The following TTN variants were observed in gnomAD, a reference collection of about 807,000 sequenced individuals.
TTN encodes the protein titin, also known as connectin.
TTN carries 1,525 observed loss-of-function variants against 3,223.0 expected under a neutral mutation model. The ratio of observed to expected loss-of-function variants is 0.47; its 90% CI spans 0.45 to 0.49. TTN has a LOEUF of 0.49. Ranked by LOEUF, TTN falls within the 20% of genes least tolerant of loss-of-function variation. TTN has a pLI of 0.00. For synonymous variants in TTN, 14,094 were observed against 15,161.0 expected, an observed-to-expected ratio of 0.93 and a Z score of 5.17; for missense variants, 40,786 against 43,424.0, an observed-to-expected ratio of 0.94 and a Z score of 5.40.
rs1553613338 is a variant in TTN at position 178,575,492 on chromosome 2, C to G, written c.70640G>C (p.Ser23547Thr). 6.2e-7 allele frequency: 1 copy of G among 1,613,650 alleles called. No individual in the cohort carries two copies. Among genetic ancestry groups the G allele is most frequent in the Middle Eastern group, 1.7e-4 (1 of 6,056 alleles). ...DSLNIMDITK[S>T]TVSLAWPKPK... ...CTTAGGCCATGCCAGGCTGACGGTG[C>G]TCTTAGTTATGTCCATGATGTTAAG... The change falls in exon 326 of 363, where the codon AGC (serine) becomes ACC (threonine). Residue 23547 changes from serine (S) to threonine (T), a missense_variant. By Grantham distance (58) the Ser-to-Thr change is moderately conservative (BLOSUM62 1). Coordinates refer to ENST00000589042, the MANE Select transcript of TTN (RefSeq NM_001267550.2). This position sits in a 1 kb window ranked among gnomAD's most constrained non-coding sequence, Gnocchi z 4.0.
intron 349 of TTN, chr2:178,542,046 A>T (rs1274741232): frequency 2.2e-6 from 1 of 445,256 alleles, no homozygotes; most frequent in Admixed American, 3.8e-5. Context: ...ATAAGAGTGA[A>T]GATATTAAAA....
rs879237670 is a variant in TTN, at chr2:178,724,261, T to A, written c.21114A>T (p.Ser7038=). The change falls in exon 72 of 363, where the codon TCA becomes TCT. Residue 7038 remains serine (S), a splice_region_variant and synonymous_variant. Transcript: ENST00000589042. ...KSSCTAVVDV[S]DRAVPPSFTR... ...CCAGAAGAAAACAGCAGAACTAACC[T>A]GAAACATCAACCACAGCTGTGCAGC... The A allele has an allele frequency of 6.2e-7, 1 of 1,611,434 alleles. No homozygotes were observed. Among genetic ancestry groups the A allele is most frequent in the African/African-American group, 1.3e-5 (1 of 74,918 alleles).
At position 178,609,209 on chromosome 2, in the gene TTN, T is replaced by C; in HGVS notation, c.52101A>G (p.Leu17367=). The C allele has an allele frequency of 6.6e-7, 1 of 1,507,262 alleles. No homozygotes were observed. The highest frequency in any genetic ancestry group is 8.8e-7 in the Non-Finnish European group (1 of 1,133,702). 93.4% of individuals were successfully genotyped at this position (1,507,262 alleles called of 1,614,324 possible). A position where few individuals can be genotyped will look rare whatever the true frequency, so the allele number is the denominator to read the frequency against. The change falls in exon 273 of 363, where the codon TTA becomes TTG. Residue 17367 remains leucine, a splice_region_variant and synonymous_variant. Transcript: ENST00000589042. ...IAKAPCTVSV[L]DTPGPPINFV... is the part of the protein sequence containing the mutation. Reference sequence around the variant, plus strand: ...GAAAGTGTAGTTTTAATGACTCACCTAACACACTGACAGTACAAGGAGCTT... The same window carrying C: ...GAAAGTGTAGTTTTAATGACTCACCCAACACACTGACAGTACAAGGAGCTT...
chr2:178,694,980 C>A, intron 115 of TTN, 74 bp from the exon 116 acceptor site: 2 of 1,094,488 alleles, frequency 1.8e-6, no homozygotes, highest in Admixed American at 2.2e-5. Context: ...ATCTCTCTCT[C>A]TCTGTGTATA....
chr2:178,588,762 T>G lies in TTN; in HGVS notation c.62963A>C (p.Glu20988Ala), dbSNP rs2049605788. 6.8e-6 allele frequency: 11 copies of G among 1,613,220 alleles called. No individual in the cohort carries two copies. In the East Asian group the frequency reaches 2.5e-4, roughly 36 times the overall value. The change falls in exon 304 of 363, where the codon GAA becomes GCA. Residue 20988 changes from glutamate to alanine, a missense_variant. Transcript: ENST00000589042. ...EEMTVVWNPP[E>A]YDGGKSITGY... ...AGTTATAGACTTTCCACCATCATAT[T>G]CAGGTGGATTCCAAACCACAGTCAT... is the stretch of plus-strand genomic sequence containing the variant.
At chr2:178,648,675 G>T (rs2062421903) in intron 213 of TTN, among the ~76,000 whole-genome samples, 1 of 152,128 alleles carries the variant, frequency 6.6e-6, no homozygotes, top group East Asian at 1.9e-4. Context: ...CTCCCCAAGT[G>T]TTGGGATGAC....
At position 178,649,274 on chromosome 2, in the gene TTN, T is replaced by C; in HGVS notation, c.40031A>G (p.Lys13344Arg). 3.3e-6 allele frequency: 5 copies of C among 1,501,158 alleles called. No homozygotes were observed. The highest frequency in any genetic ancestry group is 4.4e-6 in the Non-Finnish European group (5 of 1,130,556). The allele number at this position is 1,501,158 out of a possible 1,614,324, so 93.0% of individuals were successfully genotyped here. ...TTTTTCTGGAAGAACTTCTGGTTTT[T>C]TGGTAACAGGCACAGGTTCTTTCTT... ...PVKKEPVPVT[K>R]KPEVLPEKVP... The change falls in exon 213 of 363, where the codon AAA becomes AGA. Residue 13344 changes from lysine to arginine, a missense_variant. Coordinates refer to ENST00000589042, the MANE Select transcript of TTN (RefSeq NM_001267550.2).
chr2:178,568,520 G>A lies in TTN; in HGVS notation c.77612C>T (p.Thr25871Ile). ...HKDDGGQYGI[T>I]VANVVGQKTA... ...CTTCTGACCAACAACATTGGCAACT[G>A]TGATTCCATATTGTCCACCATCATC... The change falls in exon 326 of 363, where the codon ACA becomes ATA. Residue 25871 changes from threonine to isoleucine, a missense_variant. By Grantham distance (89) the Thr-to-Ile change is moderately conservative. Transcript: ENST00000589042. 6.2e-7 allele frequency: 1 copy of A among 1,613,400 alleles called. No individual in the cohort carries two copies.
rs2472751 is a variant in TTN, at chr2:178,675,176, C to A, written c.34538-63G>T. 295,679 of 1,101,444 alleles carry A rather than the reference C, an allele frequency of 0.27. 47,977 individuals carry two copies. Among genetic ancestry groups the A allele is most frequent in the East Asian group, 0.57 (20,634 of 36,452 alleles). The allele number at this position is 1,101,444 out of a possible 1,614,324, so 68.2% of individuals were successfully genotyped here. Reference sequence around the variant, plus strand: ...AAGAACCAAAGAAGAATAAAGACCACGTTTCCAGTTTCCAACATAAGAGAG... The same window carrying A: ...AAGAACCAAAGAAGAATAAAGACCAAGTTTCCAGTTTCCAACATAAGAGAG... On this transcript the variant is annotated intron_variant, in intron 149 of 362. Transcript: ENST00000589042.
Position 178,631,032 on chromosome 2 carries a change from A to G in TTN, c.44014+2T>C. ...GAGTGAAACTCATGGAAATTTCCTTACCCTCAATGTCAAGTTTTCCTGAGG... is the reference window on the plus strand; with the variant it reads ...GAGTGAAACTCATGGAAATTTCCTTGCCCTCAATGTCAAGTTTTCCTGAGG... On this transcript the variant is annotated splice_donor_variant, in intron 237 of 362. Coordinates refer to ENST00000589042, the MANE Select transcript of TTN (RefSeq NM_001267550.2). LOFTEE classifies it high-confidence loss of function. The G allele has an allele frequency of 6.2e-7, 1 of 1,612,974 alleles. No homozygotes were observed. Among genetic ancestry groups the G allele is most frequent in the Non-Finnish European group, 8.5e-7 (1 of 1,179,520 alleles).
In TTN at chr2:178,804,622, C is replaced by T. The variant is rs535956871; in HGVS notation, c.21G>A (p.Thr7=). The T allele has an allele frequency of 6.2e-6, 10 of 1,613,858 alleles. No homozygotes were observed. The highest frequency in any genetic ancestry group is 1.7e-4 in the Middle Eastern group (1 of 6,042). The change falls in exon 2 of 363, where the codon ACG becomes ACA. Residue 7 remains threonine (T), a synonymous_variant. Transcript: ENST00000589042. ...CAACGCTTTGTAACGGCTGCGTAAA[C>T]GTCGGTGCTTGAGTTGTCATCTTTC... is the stretch of plus-strand genomic sequence containing the variant. MTTQAP[T]FTQPLQSVVV... is the part of the protein sequence containing the mutation.
At chr2:178,747,836 C>T (rs975350594) in intron 47 of TTN, 1 of 1,612,782 alleles carries the variant, frequency 6.2e-7, no homozygotes, top group African/African-American at 1.3e-5. Context: ...TTTTTCTTCT[C>T]CAGAGGCATG....
At chr2:178,678,294 G>T in intron 144 of TTN, 86 bp from the exon 145 acceptor site, 1 of 1,514,608 alleles carries the variant, frequency 6.6e-7, no homozygotes, top group South Asian at 1.2e-5. Flanking sequence ...CAAAATATCT[G>T]ACATATTTCT....
chr2:178,548,338 A>C lies in TTN; in HGVS notation c.93288T>G (p.Tyr31096Ter). 1.2e-6 allele frequency: 2 copies of C among 1,613,848 alleles called. No homozygotes were observed. The highest frequency in any genetic ancestry group is 1.7e-6 in the Non-Finnish European group (2 of 1,179,808). Residue 31096 changes from tyrosine (Y) to a stop codon, truncating the protein, a stop_gained, in exon 339 of 363, where the codon TAT (tyrosine) becomes TAG (stop). Transcript: ENST00000589042. LOFTEE classifies it high-confidence loss of function. The surrounding 1 kb of genome is among the most constrained non-coding windows in gnomAD (Gnocchi z 4.3). ...GCATTTCATAGGGCTCACCAACACCATACTCATTTACTGCAGAAACACGGA... is the reference window on the plus strand; with the variant it reads ...GCATTTCATAGGGCTCACCAACACCCTACTCATTTACTGCAGAAACACGGA... ...YYFRVSAVNE[Y>*]GVGEPYEMPE...
chr2:178,542,362 G>C lies in TTN; in HGVS notation c.97394C>G (p.Thr32465Ser). ...ACGGAACACATACTCATTTCCTTCG[G>C]TGAGTCTGGTAAACTTAAACGTGGA... ...TRSTFKFTRL[T>S]EGNEYVFRVA... Residue 32465 changes from threonine (T) to serine (S), a missense_variant, in exon 349 of 363, where the codon ACC (threonine) becomes AGC (serine). Coordinates refer to ENST00000589042, the MANE Select transcript of TTN (RefSeq NM_001267550.2). 1 of 1,613,546 alleles carries C rather than the reference G, an allele frequency of 6.2e-7. No individual in the cohort carries two copies. Among genetic ancestry groups the C allele is most frequent in the South Asian group, 1.1e-5 (1 of 91,076 alleles).
rs1432751152 is a variant in TTN at position 178,589,701 on chromosome 2, A to T, written c.62024T>A (p.Leu20675His). The T allele has an allele frequency of 1.2e-6, 2 of 1,613,498 alleles. No homozygotes were observed. Among genetic ancestry groups the T allele is most frequent in the Non-Finnish European group, 1.7e-6 (2 of 1,179,602 alleles). Reference sequence around the variant, plus strand: ...TGTCTTTCCTTTATCTGCAATGTGAAGGTTTTCAGGCTCACCTGGTCTGTC... The same window carrying T: ...TGTCTTTCCTTTATCTGCAATGTGATGGTTTTCAGGCTCACCTGGTCTGTC... ...PIDRPGEPENLHIADKGKTFV... is the reference protein window; with the variant it reads ...PIDRPGEPENHHIADKGKTFV... The change falls in exon 304 of 363, where the codon CTT (leucine) becomes CAT (histidine). Residue 20675 changes from leucine (L) to histidine (H), a missense_variant. Physicochemically the swap from Leu to His is moderately conservative, Grantham distance 99. Coordinates refer to ENST00000589042, the MANE Select transcript of TTN (RefSeq NM_001267550.2).
At chr2:178,691,867 G>T (rs753328624) in intron 121 of TTN, 149 bp downstream of exon 121, 1 of 546,844 alleles carries the variant, frequency 1.8e-6, no homozygotes, top group Non-Finnish European at 3.1e-6. Flanking sequence ...TATGTCAAGA[G>T]CATGGCACGG....
chr2:178,539,179 G>A lies in TTN; in HGVS notation c.98756C>T (p.Ser32919Phe). Residue 32919 changes from serine (S) to phenylalanine (F), a missense_variant, in exon 353 of 363, where the codon TCC (serine) becomes TTC (phenylalanine). Coordinates refer to ENST00000589042, the MANE Select transcript of TTN (RefSeq NM_001267550.2). ...AGAACCACCATCATCTTTGGGCCGG[G>A]ACCAGGACAAGCTAACAGAACTCTT... is the stretch of plus-strand genomic sequence containing the variant. ...VTKSSVSLSWSRPKDDGGSRV... is the reference protein window; with the variant it reads ...VTKSSVSLSWFRPKDDGGSRV... The A allele has an allele frequency of 6.2e-7, 1 of 1,613,744 alleles. No homozygotes were observed. The highest frequency in any genetic ancestry group is 8.5e-7 in the Non-Finnish European group (1 of 1,179,762).
chr2:178,783,164 G>T, intron 17 of TTN, 100 bp from the exon 18 acceptor site: 1 of 1,354,080 alleles, frequency 7.4e-7, no homozygotes, highest in Non-Finnish European at 1.0e-6. Context: ...CATTTCAACT[G>T]CCACAAAATG....
Sources: allele counts gnomAD v4.1 joint callset (sites outside exome capture counted in the v4.1 genomes callset), GRCh38; gene constraint gnomAD v4.1.1; non-coding constraint Gnocchi (gnomAD v3.1); transcripts MANE v1.5; gene names NCBI Gene and HGNC (gene_info 2026-07-23, HGNC 2026-07-21).